HMCN1: variants seen among roughly 807,000 people sequenced by gnomAD.
HMCN1 encodes hemicentin-1.
A neutral mutation model predicts 625.9 loss-of-function variants in HMCN1; 321 were observed. The observed-to-expected ratio is 0.51, with a 90% CI of 0.47 to 0.56. The LOEUF (loss-of-function observed/expected upper bound fraction) is 0.56. Among genes scored for constraint, HMCN1 ranks in the 20% least tolerant of loss-of-function variants. The pLI, the probability that HMCN1 is intolerant of heterozygous loss-of-function variation, is 0.00. For missense variants in HMCN1, 6,588 were observed against 6,887.3 expected (o/e 0.96, Z 1.54); for synonymous variants, 2,425 against 2,417.6 (o/e 1.00, Z -0.09).
chr1:185,982,431 G>GTT (rs761630737), intron 18 of HMCN1, 42 bp downstream of exon 18: 1 of 1,526,350 alleles, frequency 6.6e-7, no homozygotes, highest in Non-Finnish European at 9.0e-7. Context: ...TCTTTTGTGA[G>GTT]TTTTCTTTTC....
At chr1:185,851,481 T>C (rs1401503727) in intron 2 of HMCN1, among the ~76,000 whole-genome samples, 1 of 152,162 alleles carries the variant, frequency 6.6e-6, no homozygotes, top group Non-Finnish European at 1.5e-5. Flanking sequence ...TTATTAAATT[T>C]GTACCATTAA....
chr1:185,851,170 C>G (rs1319149794), intron 2 of HMCN1, among the ~76,000 whole-genome samples: 1 of 152,066 alleles, frequency 6.6e-6, no homozygotes, highest in Admixed American at 6.6e-5. Flanking sequence ...AAACCCTTCT[C>G]CAGTTCCCTT....
intron 1 of HMCN1, among the ~76,000 whole-genome samples, chr1:185,760,452 T>A (rs1425567220): frequency 6.6e-6 from 1 of 152,194 alleles, no homozygotes; most frequent in East Asian, 1.9e-4. Flanking sequence ...GCAACAGTTC[T>A]TCAACGTAAA....
At chr1:185,910,565 C>A (rs1445570363) in intron 5 of HMCN1, among the ~76,000 whole-genome samples, 1 of 149,292 alleles carries the variant, frequency 6.7e-6, no homozygotes, top group Non-Finnish European at 1.5e-5. Flanking sequence ...TTATTTCTTT[C>A]TTCCTTCTTT....
chr1:185,758,010 G>T (rs1025093805), intron 1 of HMCN1, among the ~76,000 whole-genome samples: 1 of 152,184 alleles, frequency 6.6e-6, no homozygotes, highest in Non-Finnish European at 1.5e-5. Flanking sequence ...AAGTAAAAAT[G>T]ATTTAAAAAA....
chr1:186,073,060 G>A (rs1658571133), intron 52 of HMCN1, among the ~76,000 whole-genome samples: 1 of 152,172 alleles, frequency 6.6e-6, no homozygotes, highest in Non-Finnish European at 1.5e-5. Context: ...GGTGTGGGAT[G>A]TGTAGGAAGG....
intron 1 of HMCN1, among the ~76,000 whole-genome samples, chr1:185,768,779 CTATT>C (rs1319574047): frequency 6.6e-6 from 1 of 151,996 alleles, no homozygotes; most frequent in Non-Finnish European, 1.5e-5. Context: ...GACCCCATCT[CTATT>C]TATTTAAAAT....
chr1:185,996,018 G>T (rs1558127653), intron 24 of HMCN1, among the ~76,000 whole-genome samples: 1 of 152,096 alleles, frequency 6.6e-6, no homozygotes, highest in Non-Finnish European at 1.5e-5. Flanking sequence ...TGGATGGTTG[G>T]CTAGGACACT....
chr1:186,009,987 C>T (rs1324174120), intron 30 of HMCN1, among the ~76,000 whole-genome samples: 4 of 152,018 alleles, frequency 2.6e-5, no homozygotes, highest in South Asian at 4.1e-4. Flanking sequence ...ATAGAGTTCG[C>T]GCTCCTATGA....
At chr1:186,147,315 T>C (rs752155692) in intron 93 of HMCN1, among the ~76,000 whole-genome samples, 7 of 152,084 alleles carry the variant, frequency 4.6e-5, no homozygotes, top group Non-Finnish European at 8.8e-5. Context: ...CATTCCAACC[T>C]TACATTTATT....
intron 85 of HMCN1, among the ~76,000 whole-genome samples, chr1:186,131,836 A>G (rs933141090): frequency 6.6e-6 from 1 of 152,150 alleles, no homozygotes; most frequent in African/African-American, 2.4e-5. Context: ...TTATAAGTAA[A>G]TTAGTTTTTC....
intron 9 of HMCN1, among the ~76,000 whole-genome samples, chr1:185,926,501 A>G (rs1336555542): frequency 1.3e-5 from 2 of 152,262 alleles, no homozygotes; most frequent in Non-Finnish European, 2.9e-5. Flanking sequence ...ATGTTTAAAC[A>G]GTAACATTTT....
chr1:185,776,973 A>G (rs1401311132), intron 1 of HMCN1, among the ~76,000 whole-genome samples: 8 of 152,258 alleles, frequency 5.3e-5, no homozygotes, highest in Admixed American at 4.6e-4. Context: ...CAATTAAACC[A>G]TAAATACAAC....
rs376151174 is a variant in HMCN1 at position 186,095,304 on chromosome 1, C to T, written c.10356C>T (p.Ser3452=). 4 of 1,613,726 alleles carry T rather than the reference C, an allele frequency of 2.5e-6. No homozygotes were observed. The highest frequency in any genetic ancestry group is 3.4e-6 in the Non-Finnish European group (4 of 1,179,830). Residue 3452 remains serine, a synonymous_variant, in exon 68 of 107, where the codon TCC becomes TCT. Transcript: ENST00000271588. ...TEEITVLKGS[S]TSMACITDGT... is the part of the protein sequence containing the mutation. ...AAATCACAGTTCTCAAAGGTAGTTC[C>T]ACCTCTATGGCATGCATTACTGATG... is the stretch of plus-strand genomic sequence containing the variant.
At chr1:186,159,473 A>G (rs556430301) in intron 97 of HMCN1, among the ~76,000 whole-genome samples, 34 of 152,226 alleles carry the variant, frequency 2.2e-4, no homozygotes, top group African/African-American at 8.2e-4. Context: ...AGGAGTGGTG[A>G]GAGAGGGCAT....
At chr1:186,063,064 G>A (rs1208345570) in intron 48 of HMCN1, among the ~76,000 whole-genome samples, 460 of 44,742 alleles carry the variant, frequency 0.01, 1 homozygote, top group African/African-American at 0.022. Flanking sequence ...GTGTGTGTGT[G>A]TGCATATATA....
At chr1:185,970,617 C>CAG in intron 15 of HMCN1, 124 bp downstream of exon 15, 1 of 811,010 alleles carries the variant, frequency 1.2e-6, no homozygotes, top group Non-Finnish European at 2.1e-6. Flanking sequence ...GGGTGCATTT[C>CAG]AGATTAATAG....
chr1:185,882,846 T>C (rs1664394852), intron 4 of HMCN1, among the ~76,000 whole-genome samples: 1 of 152,110 alleles, frequency 6.6e-6, no homozygotes. Flanking sequence ...ATGTATACTT[T>C]ATTTATAGCT....
intron 53 of HMCN1, 86 bp downstream of exon 53, chr1:186,074,977 G>C (rs1318512308): frequency 9.1e-7 from 1 of 1,098,920 alleles, no homozygotes. Context: ...TTTAAACAGT[G>C]TTTTTTTCTG....
Sources: allele counts gnomAD v4.1 joint callset (sites outside exome capture counted in the v4.1 genomes callset), GRCh38; gene constraint gnomAD v4.1.1; transcripts MANE v1.5; gene names NCBI Gene and HGNC (gene_info 2026-07-23, HGNC 2026-07-21).